The following FAM168A variants were observed in gnomAD, a reference collection of about 807,000 sequenced individuals.
FAM168A encodes family with sequence similarity 168 member A.
FAM168A carries 3 observed loss-of-function variants against 28.5 expected under a neutral mutation model. That is an observed-to-expected ratio of 0.11 (90% CI 0.05 to 0.27). FAM168A has a LOEUF of 0.27. Among genes scored for constraint, FAM168A ranks in the 10% least tolerant of loss-of-function variants. The pLI is 1.00. For synonymous variants in FAM168A, 122 were observed against 124.2 expected (o/e 0.98, Z 0.12); for missense variants, 222 against 311.5 (o/e 0.71, Z 2.16).
intron 1 of FAM168A, among the ~76,000 whole-genome samples, chr11:73,492,012 A>T (rs922510507): frequency 6.6e-6 from 1 of 152,248 alleles, no homozygotes; most frequent in Non-Finnish European, 1.5e-5. Context: ...TAAAAACCAA[A>T]GAAATAAAAA....
At chr11:73,446,691 A>C (rs1222843918) in intron 2 of FAM168A, among the ~76,000 whole-genome samples, 1 of 152,216 alleles carries the variant, frequency 6.6e-6, no homozygotes, top group Non-Finnish European at 1.5e-5. Flanking sequence ...ATGCCTACTG[A>C]AAGCTAGACA....
At position 73,404,789 on chromosome 11, in the gene FAM168A, C is replaced by T. The variant is rs1456954530; in HGVS notation, c.*1974G>A. The T allele has an allele frequency of 6.6e-6, 1 of 152,222 alleles. No individual in the cohort carries two copies. The highest frequency in any genetic ancestry group is 1.5e-5 in the Non-Finnish European group (1 of 68,038). The allele number at this position is 152,222 out of a possible 1,614,324, so 9.4% of individuals were successfully genotyped here. ...CCAACCCAAGGGTTTCCTGATTTTT[C>T]CCTCCCTTAGGGAGACATGGGAGGT... On this transcript the variant is annotated 3_prime_UTR_variant, in exon 8 of 8. Transcript: ENST00000356467.
chr11:73,597,054 AGTGATT>A (rs1944446231), intron 1 of FAM168A, among the ~76,000 whole-genome samples: 2 of 151,966 alleles, frequency 1.3e-5, no homozygotes, highest in Admixed American at 6.6e-5. Context: ...TGCCCTTTCC[AGTGATT>A]GTAAGATCAC....
At chr11:73,482,986 C>G (rs1294185786) in intron 1 of FAM168A, among the ~76,000 whole-genome samples, 1 of 152,110 alleles carries the variant, frequency 6.6e-6, no homozygotes, top group Admixed American at 6.6e-5. Context: ...GTGATCTGCC[C>G]ACCTCAGCCT....
intron 1 of FAM168A, among the ~76,000 whole-genome samples, chr11:73,505,996 T>C (rs1855109108): frequency 6.6e-6 from 1 of 152,154 alleles, no homozygotes; most frequent in Non-Finnish European, 1.5e-5. Context: ...GGTTAATGGA[T>C]TAACCAAATA....
intron 2 of FAM168A, among the ~76,000 whole-genome samples, chr11:73,450,097 A>C (rs907373924): frequency 1.3e-5 from 2 of 152,232 alleles, no homozygotes; most frequent in Non-Finnish European, 2.9e-5. Flanking sequence ...ATTGTTGGCT[A>C]TCCTGCTGGA....
chr11:73,427,976 C>T (rs1866919224), intron 3 of FAM168A, among the ~76,000 whole-genome samples: 1 of 152,216 alleles, frequency 6.6e-6, no homozygotes, highest in South Asian at 2.1e-4. Flanking sequence ...GTTAAGAACC[C>T]TCCTTGATCT....
chr11:73,517,718 T>C (rs1428873736), intron 1 of FAM168A, among the ~76,000 whole-genome samples: 1 of 152,180 alleles, frequency 6.6e-6, no homozygotes, highest in East Asian at 1.9e-4. Flanking sequence ...CGACCTTGGC[T>C]CAGGAATACC....
chr11:73,500,549 C>T (rs1384038583), intron 1 of FAM168A, among the ~76,000 whole-genome samples: 3 of 152,062 alleles, frequency 2.0e-5, no homozygotes, highest in Non-Finnish European at 4.4e-5. Flanking sequence ...TGAGCCACTG[C>T]ACCCAGCCTC....
chr11:73,517,294 G>A lies in FAM168A; in HGVS notation c.-18-48802C>T, dbSNP rs1381072156. Among the ~76,000 whole-genome samples, 6 of 152,190 alleles carry A rather than the reference G, an allele frequency of 3.9e-5. No homozygotes were observed. In the South Asian group the frequency reaches 1.2e-3, roughly 32 times the overall value. ...GATCCTCTCACCTCGGCCTCCCAAA[G>A]TGCTGGGGTTACAGGTGTAAACCAC... is the stretch of plus-strand genomic sequence containing the variant. On this transcript the variant is annotated intron_variant, in intron 1 of 7. Transcript: ENST00000356467.
At chr11:73,499,306 A>G (rs1274536803) in intron 1 of FAM168A, among the ~76,000 whole-genome samples, 1 of 152,212 alleles carries the variant, frequency 6.6e-6, no homozygotes, top group Non-Finnish European at 1.5e-5. Flanking sequence ...ACAAACAAGC[A>G]GAAAGCAACA....
At chr11:73,425,449 A>G (rs534463195) in intron 3 of FAM168A, among the ~76,000 whole-genome samples, 57 of 152,380 alleles carry the variant, frequency 3.7e-4, no homozygotes, top group African/African-American at 1.2e-3. Flanking sequence ...TTTGGCCTCT[A>G]AAGAGCTGTC....
intron 1 of FAM168A, among the ~76,000 whole-genome samples, chr11:73,588,451 G>A (rs895103826): frequency 3.3e-5 from 5 of 152,170 alleles, no homozygotes; most frequent in Non-Finnish European, 5.9e-5. Flanking sequence ...AGCACTTTGG[G>A]AGGCTGGGTC....
chr11:73,411,631 G>A (rs1025976978), intron 4 of FAM168A, 95 bp from the exon 5 acceptor site: 2 of 1,301,588 alleles, frequency 1.5e-6, no homozygotes, highest in Non-Finnish European at 2.2e-6. Context: ...AGACAAAGAT[G>A]GGCTGAATCC....
intron 1 of FAM168A, among the ~76,000 whole-genome samples, chr11:73,482,751 T>C (rs1459567673): frequency 1.3e-5 from 2 of 152,266 alleles, no homozygotes; most frequent in Non-Finnish European, 2.9e-5. Flanking sequence ...TTTGTTTTTT[T>C]CTTTTGAGAC....
At chr11:73,503,076 T>C (rs1032078073) in intron 1 of FAM168A, among the ~76,000 whole-genome samples, 2 of 152,126 alleles carry the variant, frequency 1.3e-5, no homozygotes, top group African/African-American at 2.4e-5. Context: ...AAGCATTCCC[T>C]TTAAAAACCA....
intron 2 of FAM168A, among the ~76,000 whole-genome samples, chr11:73,442,275 G>A (rs1261645413): frequency 4.6e-5 from 7 of 151,978 alleles, no homozygotes; most frequent in South Asian, 2.1e-4. Context: ...ACAGGCGCCC[G>A]CCACCACGCA....
intron 1 of FAM168A, among the ~76,000 whole-genome samples, chr11:73,507,814 G>A (rs532803555): frequency 9.2e-5 from 14 of 152,054 alleles, no homozygotes; most frequent in Non-Finnish European, 1.5e-4. Context: ...CACAGGATGC[G>A]AAACCAGCAT....
intron 1 of FAM168A, among the ~76,000 whole-genome samples, chr11:73,507,979 G>C (rs1855149063): frequency 6.6e-6 from 1 of 152,070 alleles, no homozygotes; most frequent in Non-Finnish European, 1.5e-5. Context: ...ACAATCAGCT[G>C]TTAGGCCAGA....
Sources: gnomAD v4.1 joint callset for allele counts (sites outside exome capture counted in the v4.1 genomes callset) on GRCh38, gnomAD v4.1.1 for gene constraint, MANE v1.5 for transcripts, NCBI Gene and HGNC (gene_info 2026-07-23, HGNC 2026-07-21) for gene names.